Variants in CREB5 observed in about 807,000 individuals in gnomAD.
CREB5 encodes cyclic AMP-responsive element-binding protein 5.
Under a neutral mutation model 57.1 loss-of-function variants are expected in CREB5, and 19 were observed. The ratio of observed to expected loss-of-function variants is 0.33; its 90% CI spans 0.23 to 0.49. The LOEUF (loss-of-function observed/expected upper bound fraction) is 0.49. Ranked by LOEUF, CREB5 falls within the 20% of genes least tolerant of loss-of-function variation. The pLI, the probability that CREB5 is intolerant of heterozygous loss-of-function variation, is 0.99. For synonymous variants in CREB5, 238 were observed against 238.3 expected (o/e 1.00, Z 0.01); for missense variants, 579 against 671.6 (o/e 0.86, Z 1.52).
intron 1 of CREB5, among the ~76,000 whole-genome samples, chr7:28,345,398 A>G (rs1786037998): frequency 6.6e-6 from 1 of 152,192 alleles, no homozygotes; most frequent in African/African-American, 2.4e-5. Flanking sequence ...ATGAAACTAG[A>G]AATCAATATC....
intron 4 of CREB5, 137 bp downstream of exon 4, chr7:28,507,874 T>G (rs1003407959): frequency 3.3e-5 from 36 of 1,097,652 alleles, no homozygotes; most frequent in Non-Finnish European, 4.2e-5. Context: ...TGTCTAATTT[T>G]TTTTAAAAGA....
At chr7:28,408,944 C>G (rs933544092), upstream of CREB5, among the ~76,000 whole-genome samples, 5 of 152,130 alleles carry the variant, frequency 3.3e-5, no homozygotes, top group South Asian at 1.0e-3. Context: ...TTCAGCATCC[C>G]CCTCCCCACC....
chr7:28,818,000 G>T (rs1809537143), intron 9 of CREB5, 71 bp from the exon 10 acceptor site: 4 of 1,140,394 alleles, frequency 3.5e-6, no homozygotes, highest in Admixed American at 2.3e-5. Flanking sequence ...TTTTGTTGTT[G>T]AAAGTGCACA....
chr7:28,321,232 A>G (rs1272982234), intron 1 of CREB5, among the ~76,000 whole-genome samples: 2 of 151,216 alleles, frequency 1.3e-5, no homozygotes, highest in African/African-American at 4.9e-5. Flanking sequence ...TTTTTTTTGT[A>G]CCCTTCATCC....
intron 1 of CREB5, among the ~76,000 whole-genome samples, chr7:28,464,480 C>A (rs1413565575): frequency 1.4e-5 from 2 of 145,314 alleles, no homozygotes; most frequent in Admixed American, 7.0e-5. Context: ...CCTGATCTCT[C>A]CTTTGTGGAA....
At chr7:28,660,266 A>T (rs1799549418) in intron 5 of CREB5, among the ~76,000 whole-genome samples, 1 of 152,208 alleles carries the variant, frequency 6.6e-6, no homozygotes, top group South Asian at 2.1e-4. Context: ...CAAATGTCTT[A>T]TCAGCACCAC....
chr7:28,512,558 T>C (rs906718416), intron 4 of CREB5, among the ~76,000 whole-genome samples: 8 of 150,476 alleles, frequency 5.3e-5, no homozygotes, highest in African/African-American at 1.7e-4. Context: ...AAAAGAGGTG[T>C]GTGAATTTTC....
chr7:28,780,630 G>A (rs1365829898), intron 7 of CREB5, among the ~76,000 whole-genome samples: 3 of 152,094 alleles, frequency 2.0e-5, no homozygotes, highest in Admixed American at 6.5e-5. Flanking sequence ...GCTGAGGCAC[G>A]AGAATCACTT....
chr7:28,631,009 T>G (rs41301), intron 5 of CREB5, among the ~76,000 whole-genome samples: 101,234 of 151,978 alleles, frequency 0.67, 34,651 homozygotes, highest in African/African-American at 0.82. Flanking sequence ...AAGTAAGTGG[T>G]TAGGCTGGAG....
At chr7:28,564,126 G>A (rs10248151) in intron 4 of CREB5, among the ~76,000 whole-genome samples, 36,249 of 152,068 alleles carry the variant, frequency 0.24, 4,539 homozygotes, top group Non-Finnish European at 0.26. Context: ...TGCAGTTCAG[G>A]GATGTTTACA....
chr7:28,729,502 G>A (rs941561452), intron 7 of CREB5, among the ~76,000 whole-genome samples: 5 of 152,070 alleles, frequency 3.3e-5, no homozygotes, highest in African/African-American at 4.8e-5. Flanking sequence ...CCTAATTATC[G>A]AGCTGGATAA....
At position 28,633,659 on chromosome 7, in the gene CREB5, T is replaced by C. The variant is rs148878974; in HGVS notation, c.464+63122T>C. Among the ~76,000 whole-genome samples the C allele has an allele frequency of 4.1e-3, 628 of 152,306 alleles. 2 individuals are homozygous for C. The highest frequency in any genetic ancestry group is 0.014 in the African/African-American group (593 of 41,578). ...TCCTTTTGATTGGCTGGTTACTTTG[T>C]GTCTGAACACTCTGAAGCTACCAGC... On this transcript the variant is annotated intron_variant, in intron 5 of 10. Transcript: ENST00000357727.
intron 1 of CREB5, among the ~76,000 whole-genome samples, chr7:28,431,982 CTT>C (rs34222908): frequency 3.1e-4 from 39 of 124,836 alleles, no homozygotes; most frequent in Non-Finnish European, 3.0e-4. Context: ...ACAGCTATGC[CTT>C]TTTTTTTTTT....
intron 1 of CREB5, among the ~76,000 whole-genome samples, chr7:28,336,235 C>T (rs913034413): frequency 3.9e-5 from 6 of 151,994 alleles, no homozygotes; most frequent in Admixed American, 3.3e-4. Context: ...GTATTCTCTC[C>T]TCCTCTATTT....
chr7:28,351,780 T>A (rs1786191575), intron 1 of CREB5, among the ~76,000 whole-genome samples: 1 of 149,498 alleles, frequency 6.7e-6, no homozygotes, highest in South Asian at 2.1e-4. Context: ...AAAAAAAAAA[T>A]CCTTGTTAAT....
At chr7:28,732,844 T>TTTTTTG (rs1803739168) in intron 7 of CREB5, among the ~76,000 whole-genome samples, 3 of 41,124 alleles carry the variant, frequency 7.3e-5, no homozygotes, top group African/African-American at 2.1e-4. Flanking sequence ...TTTAGGGTTG[T>TTTTTTG]TTTTTTTTTT....
intron 5 of CREB5, among the ~76,000 whole-genome samples, chr7:28,703,488 T>C (rs1801964075): frequency 6.6e-6 from 1 of 152,114 alleles, no homozygotes; most frequent in African/African-American, 2.4e-5. Context: ...TGGTTTATTA[T>C]AAGGAATTGA....
At chr7:28,521,974 A>G (rs1289043358) in intron 4 of CREB5, among the ~76,000 whole-genome samples, 1 of 152,236 alleles carries the variant, frequency 6.6e-6, no homozygotes, top group Non-Finnish European at 1.5e-5. Context: ...TAAAATTGAG[A>G]TTATAAACTA....
intron 1 of CREB5, among the ~76,000 whole-genome samples, chr7:28,466,210 TAAAAA>T (rs5883134): frequency 1.1e-5 from 1 of 94,742 alleles, no homozygotes. Context: ...TGACTGGAGT[TAAAAA>T]AAAAAAAAAA....
Sources: allele counts gnomAD v4.1 joint callset (sites outside exome capture counted in the v4.1 genomes callset), GRCh38; gene constraint gnomAD v4.1.1; transcripts MANE v1.5; gene names NCBI Gene and HGNC (gene_info 2026-07-23, HGNC 2026-07-21).